Variants in TP53BP1 observed in about 807,000 individuals in gnomAD.
The protein encoded by TP53BP1 is TP53-binding protein 1.
In TP53BP1, 61 loss-of-function variants were observed where a neutral mutation model predicts 200.8. The ratio of observed to expected loss-of-function variants is 0.30; its 90% CI spans 0.25 to 0.38. TP53BP1 has a LOEUF of 0.38. TP53BP1 is among the 10% of genes least tolerant of loss of function. The pLI, the probability that TP53BP1 is intolerant of heterozygous loss-of-function variation, is 1.00. For synonymous variants in TP53BP1, 822 were observed against 844.3 expected (o/e 0.97, Z 0.46); for missense variants, 2,144 against 2,371.9 (o/e 0.90, Z 2.00).
In TP53BP1 at chr15:43,456,677, G is replaced by T. The variant is rs758281741; in HGVS notation, c.1931C>A (p.Ser644Tyr). 1.2e-6 allele frequency: 2 copies of T among 1,613,990 alleles called. No individual in the cohort carries two copies. The highest frequency in any genetic ancestry group is 2.7e-5 in the African/African-American group (2 of 74,910). ...AGCTTCCTCCTGATCTAACACACTA[G>T]AAAGTGCCTCAGATCGAGTAGCTGG... ...PSPATRSEAL[S>Y]SVLDQEEAME... The change falls in exon 12 of 28, where the codon TCT becomes TAT. Residue 644 changes from serine (S) to tyrosine (Y), a missense_variant. Physicochemically the swap from Ser to Tyr is moderately radical, Grantham distance 144. Around this residue, in one of 4 missense-constraint regions of TP53BP1, gnomAD observed 1,700 missense variants for 1,710.3 expected, o/e 0.99. Coordinates refer to ENST00000382044, the MANE Select transcript of TP53BP1 (RefSeq NM_001141980.3).
In TP53BP1 at chr15:43,479,476, A is replaced by G. The variant is rs1326883704; in HGVS notation, c.709T>C (p.Ser237Pro). ...GCTGTCACAGGGATGTCCTTGCTGG[A>G]CTGTTCTGCTATGGGGATATCTTCG... The part of the protein sequence containing the change: ...SNEDIPIAEQ[S>P]SKDIPVTAQP... Residue 237 changes from serine (S) to proline (P), a missense_variant, in exon 7 of 28, where the codon TCC becomes CCC. Ser to Pro is a moderately conservative substitution (Grantham distance 74). Coordinates refer to ENST00000382044, the MANE Select transcript of TP53BP1 (RefSeq NM_001141980.3). The G allele has an allele frequency of 6.2e-7, 1 of 1,613,810 alleles. No homozygotes were observed. The highest frequency in any genetic ancestry group is 1.3e-5 in the African/African-American group (1 of 74,876).
chr15:43,475,333 C>A (rs867056033), intron 9 of TP53BP1, among the ~76,000 whole-genome samples: 1 of 152,174 alleles, frequency 6.6e-6, no homozygotes, highest in East Asian at 1.9e-4. Context: ...TAAATAACTG[C>A]GCCTTTTCTT....
At chr15:43,494,162 A>C (rs2079164778), upstream of TP53BP1, among the ~76,000 whole-genome samples, 1 of 152,218 alleles carries the variant, frequency 6.6e-6, no homozygotes, top group Non-Finnish European at 1.5e-5. Context: ...GCAGCTGTCA[A>C]TAGGGAAAGC....
chr15:43,458,587 C>T (rs1319964146), intron 11 of TP53BP1, among the ~76,000 whole-genome samples: 1 of 151,988 alleles, frequency 6.6e-6, no homozygotes, highest in South Asian at 2.1e-4. Flanking sequence ...CAAGACCAGC[C>T]TGGACAACAT....
chr15:43,436,511 G>C (rs2045802410), intron 16 of TP53BP1, among the ~76,000 whole-genome samples: 1 of 151,776 alleles, frequency 6.6e-6, no homozygotes, highest in South Asian at 2.1e-4. Context: ...GTCTCACTCT[G>C]TTCCCCAGGC....
At chr15:43,427,922 A>G (rs1006029660) in intron 18 of TP53BP1, 94 bp downstream of exon 18, 1 of 885,820 alleles carries the variant, frequency 1.1e-6, no homozygotes, top group Non-Finnish European at 1.7e-6. Context: ...ACGCAACTGC[A>G]TTCCAGCCTA....
At chr15:43,433,449 A>C (rs1331809885) in intron 16 of TP53BP1, among the ~76,000 whole-genome samples, 1 of 152,234 alleles carries the variant, frequency 6.6e-6, no homozygotes. Flanking sequence ...CAGAATAAAA[A>C]CGTCCAGGCT....
chr15:43,414,135 C>T, intron 23 of TP53BP1: 2 of 470,092 alleles, frequency 4.3e-6, no homozygotes, highest in Non-Finnish European at 8.8e-6. Flanking sequence ...AAACCAGGAG[C>T]AAGAAAACAG....
At chr15:43,407,599 G>T in intron 27 of TP53BP1, 29 bp from the exon 28 acceptor site, 1 of 1,591,368 alleles carries the variant, frequency 6.3e-7, no homozygotes, top group Non-Finnish European at 8.6e-7. Flanking sequence ...AGTGAAGAAG[G>T]AAAGGACACT....
At chr15:43,463,221 CTG>C (rs1471393833) in intron 11 of TP53BP1, among the ~76,000 whole-genome samples, 12 of 152,158 alleles carry the variant, frequency 7.9e-5, no homozygotes, top group Non-Finnish European at 1.8e-4. Context: ...AACTATCAAA[CTG>C]TGTTCTACTA....
At chr15:43,506,889 C>T (rs1253121335) in intron 1 of TP53BP1, among the ~76,000 whole-genome samples, 1 of 152,138 alleles carries the variant, frequency 6.6e-6, no homozygotes, top group African/African-American at 2.4e-5. Context: ...TGTAACTTCA[C>T]TTCAGCCTCT....
At chr15:43,465,564 G>C (rs1038398575) in intron 11 of TP53BP1, among the ~76,000 whole-genome samples, 1 of 151,854 alleles carries the variant, frequency 6.6e-6, no homozygotes, top group African/African-American at 2.4e-5. Flanking sequence ...GAAGAACAGA[G>C]AAAACAAAGG....
At chr15:43,484,329 C>G (rs1477389454) in intron 4 of TP53BP1, among the ~76,000 whole-genome samples, 1 of 152,248 alleles carries the variant, frequency 6.6e-6, no homozygotes, top group Non-Finnish European at 1.5e-5. Context: ...CATTCTTCAT[C>G]TGCTTCAATC....
chr15:43,416,041 T>A (rs1205957252), intron 22 of TP53BP1, among the ~76,000 whole-genome samples, 184 bp downstream of exon 22: 1 of 152,140 alleles, frequency 6.6e-6, no homozygotes, highest in Non-Finnish European at 1.5e-5. Context: ...GGACTTTCTG[T>A]TTGGTACTAA....
intron 15 of TP53BP1, among the ~76,000 whole-genome samples, chr15:43,440,510 G>C (rs544351894): frequency 7.2e-6 from 1 of 139,520 alleles, no homozygotes. Context: ...GTGAGACTCC[G>C]TCTCAAAAAA....
intron 16 of TP53BP1, among the ~76,000 whole-genome samples, chr15:43,434,909 C>A (rs1241406387): frequency 2.0e-5 from 3 of 152,148 alleles, no homozygotes; most frequent in African/African-American, 7.2e-5. Context: ...TCCATTAGTT[C>A]CAGCTATGCA....
At chr15:43,452,629 TTA>T (rs1491022308) in intron 12 of TP53BP1, among the ~76,000 whole-genome samples, 1 of 130,256 alleles carries the variant, frequency 7.7e-6, no homozygotes, top group African/African-American at 4.4e-5. Flanking sequence ...GTAGTTAAAA[TTA>T]TTTTTATTTA....
At chr15:43,465,882 T>G (rs1384921072) in intron 11 of TP53BP1, among the ~76,000 whole-genome samples, 1 of 152,180 alleles carries the variant, frequency 6.6e-6, no homozygotes, top group Non-Finnish European at 1.5e-5. Context: ...CTCAAACTCC[T>G]GGCTTCAAGT....
At position 43,474,149 on chromosome 15, in the gene TP53BP1, G is replaced by A. The variant is rs563357998; in HGVS notation, c.1180+524C>T. ...TAAGCCCCTCATTGCCCGGGGGGCC[G>A]GCAGGGCCGGCCGGCTGCTCCGAGT... On this transcript the variant is annotated intron_variant, in intron 10 of 27. Transcript: ENST00000382044. Among the ~76,000 whole-genome samples the A allele has an allele frequency of 2.9e-3, 442 of 152,272 alleles. 1 individual carries two copies. Among genetic ancestry groups the A allele is most frequent in the African/African-American group, 0.01 (428 of 41,532 alleles).
Sources: gnomAD v4.1 joint callset for allele counts (sites outside exome capture counted in the v4.1 genomes callset) on GRCh38, gnomAD v4.1.1 for gene constraint, gnomAD v4.1.1 regional missense constraint, MANE v1.5 for transcripts, NCBI Gene and HGNC (gene_info 2026-07-23, HGNC 2026-07-21) for gene names.